CLUL1: variants seen among roughly 807,000 people sequenced by gnomAD.
The protein encoded by CLUL1 is clusterin like 1, also known as clusterin-like protein 1.
A neutral mutation model predicts 49.4 loss-of-function variants in CLUL1; 43 were observed. The ratio of observed to expected loss-of-function variants is 0.87; its 90% CI spans 0.68 to 1.12. The LOEUF (loss-of-function observed/expected upper bound fraction) is 1.12. Ranked by LOEUF, CLUL1 falls within the 50% of genes most tolerant of loss-of-function variation. The pLI is 0.00. For missense variants in CLUL1, 486 were observed against 544.4 expected (o/e 0.89, Z 1.07); for synonymous variants, 192 against 184.9 (o/e 1.04, Z -0.31).
chr18:625,764 C>G (rs1043847126), intron 5 of CLUL1, among the ~76,000 whole-genome samples: 2 of 152,182 alleles, frequency 1.3e-5, no homozygotes, highest in Non-Finnish European at 2.9e-5. Flanking sequence ...AGTGGAATTT[C>G]ACGCTCCATA....
At chr18:633,524 C>G in intron 7 of CLUL1, 89 bp downstream of exon 7, 2 of 1,155,870 alleles carry the variant, frequency 1.7e-6, no homozygotes, top group Non-Finnish European at 1.2e-6. Context: ...AGAAATAGCA[C>G]TCGAATATAA....
intron 5 of CLUL1, 48 bp downstream of exon 5, chr18:625,080 T>G (rs1349413198): frequency 6.4e-7 from 1 of 1,563,112 alleles, no homozygotes; most frequent in Non-Finnish European, 8.7e-7. Context: ...GAGGCACCTA[T>G]TTCAGCTTAC....
Position 627,250 on chromosome 18 carries a change from T to A in CLUL1, c.577T>A (p.Ser193Thr), listed in dbSNP as rs766077524. The A allele has an allele frequency of 9.9e-6, 16 of 1,613,870 alleles. No homozygotes were observed. The African/African-American group carries it at 1.6e-4, about 16-fold the overall frequency. ...CAGCCAGTTGACTGTGGATGTGAAT[T>A]CTCTCTTTAACAGGAGTTTTAACGT... is the stretch of plus-strand genomic sequence containing the variant. The part of the protein sequence containing the change: ...VFSQLTVDVN[S>T]LFNRSFNVFR... The change falls in exon 6 of 10, where the codon TCT becomes ACT. Residue 193 changes from serine (S) to threonine (T), a missense_variant. Coordinates refer to ENST00000692774, the MANE Select transcript of CLUL1 (RefSeq NM_001393344.1).
chr18:627,544 A>G lies in CLUL1; in HGVS notation c.856+15A>G, dbSNP rs2073846985. On this transcript the variant is annotated intron_variant, in intron 6 of 9. Coordinates refer to ENST00000692774, the MANE Select transcript of CLUL1 (RefSeq NM_001393344.1). ...ACAAGACAAAGGCAAGTATTAAAAG[A>G]TTACTTTTACTTAGAGGTTTACACT... 6.4e-7 allele frequency: 1 copy of G among 1,563,638 alleles called. No individual in the cohort carries two copies. Among genetic ancestry groups the G allele is most frequent in the Non-Finnish European group, 8.7e-7 (1 of 1,148,620 alleles).
chr18:649,287 T>G (rs908121736), intron 9 of CLUL1, among the ~76,000 whole-genome samples: 3 of 152,224 alleles, frequency 2.0e-5, no homozygotes, highest in African/African-American at 7.2e-5. Context: ...TACAGCTCAC[T>G]GAAACATGAA....
At chr18:622,942 A>G (rs895103664) in intron 4 of CLUL1, among the ~76,000 whole-genome samples, 3 of 151,974 alleles carry the variant, frequency 2.0e-5, no homozygotes, top group African/African-American at 4.8e-5. Context: ...GAATATTAGG[A>G]TTTTGGCTTA....
chr18:631,574 G>A (rs1343581315), intron 6 of CLUL1, among the ~76,000 whole-genome samples: 1 of 152,140 alleles, frequency 6.6e-6, no homozygotes, highest in African/African-American at 2.4e-5. Flanking sequence ...GCTGCAGGAT[G>A]GGGAATTAGT....
At chr18:643,605 G>A (rs2074399282) in intron 8 of CLUL1, among the ~76,000 whole-genome samples, 1 of 152,062 alleles carries the variant, frequency 6.6e-6, no homozygotes, top group African/African-American at 2.4e-5. Flanking sequence ...AGTGTCTCTT[G>A]AGTAACATAA....
At chr18:626,275 G>A (rs1349240849) in intron 5 of CLUL1, among the ~76,000 whole-genome samples, 1 of 152,088 alleles carries the variant, frequency 6.6e-6, no homozygotes, top group Non-Finnish European at 1.5e-5. Flanking sequence ...ACCACGCCTA[G>A]CTAATTTTTG....
At chr18:639,339 G>C (rs560009103) in intron 7 of CLUL1, among the ~76,000 whole-genome samples, 1 of 148,556 alleles carries the variant, frequency 6.7e-6, no homozygotes. Context: ...GCTGAGGCAG[G>C]AGAATTGTTT....
intron 7 of CLUL1, among the ~76,000 whole-genome samples, chr18:636,461 G>T (rs748459215): frequency 7.9e-5 from 12 of 151,924 alleles, no homozygotes; most frequent in Non-Finnish European, 1.6e-4. Flanking sequence ...CATTGCAGAG[G>T]TTCTAAACAT....
chr18:627,467 G>GTGT lies in CLUL1; in HGVS notation c.795_797dup (p.Val266dup). The GTGT allele has an allele frequency of 6.2e-7, 1 of 1,613,628 alleles. No homozygotes were observed. Among genetic ancestry groups the GTGT allele is most frequent in the East Asian group, 2.2e-5 (1 of 44,862 alleles). ...AATTTCAGTGTCTCTATTTATGAAA[G>GTGT]TGTCAGTGAAACAATTACTAAGATG... On this transcript the variant is annotated inframe_insertion, in exon 6 of 10. Coordinates refer to ENST00000692774, the MANE Select transcript of CLUL1 (RefSeq NM_001393344.1).
At chr18:645,806 A>ATATATAT (rs1444864133) in intron 9 of CLUL1, among the ~76,000 whole-genome samples, 1 of 51,842 alleles carries the variant, frequency 1.9e-5, no homozygotes, top group Non-Finnish European at 3.6e-5. Flanking sequence ...AAAAAAAAAA[A>ATATATAT]AAAAATATAT....
At chr18:625,661 G>A (rs778510205) in intron 5 of CLUL1, among the ~76,000 whole-genome samples, 5 of 152,046 alleles carry the variant, frequency 3.3e-5, no homozygotes, top group African/African-American at 1.2e-4. Context: ...CACAGAGGGT[G>A]GTGACCTGAA....
At chr18:645,185 G>A (rs1246777469) in intron 9 of CLUL1, 88 bp downstream of exon 9, 8 of 992,562 alleles carry the variant, frequency 8.1e-6, no homozygotes, top group South Asian at 4.3e-5. Context: ...CCAAATACCT[G>A]GAAAACATGT....
At chr18:644,391 T>A (rs1598448526) in intron 8 of CLUL1, among the ~76,000 whole-genome samples, 1 of 152,208 alleles carries the variant, frequency 6.6e-6, no homozygotes, top group African/African-American at 2.4e-5. Context: ...CCTACAACCA[T>A]AAATTGTAAA....
chr18:598,198 G>C (rs2072712756), intron 1 of CLUL1: 1 of 196,726 alleles, frequency 5.1e-6, no homozygotes, highest in African/African-American at 2.3e-5. Flanking sequence ...ATGAGATACT[G>C]TTACCTAATA....
At chr18:626,801 C>T (rs930980517) in intron 5 of CLUL1, among the ~76,000 whole-genome samples, 1 of 146,590 alleles carries the variant, frequency 6.8e-6, no homozygotes, top group Non-Finnish European at 1.5e-5. Context: ...GCGGAGGTTG[C>T]AGTGAGCCGA....
intron 6 of CLUL1, among the ~76,000 whole-genome samples, chr18:628,720 C>T (rs546133620): frequency 5.5e-5 from 8 of 146,652 alleles, no homozygotes; most frequent in Non-Finnish European, 9.1e-5. Flanking sequence ...CAACCTCTGC[C>T]TCCTGGGTTC....
Sources: allele counts gnomAD v4.1 joint callset (sites outside exome capture counted in the v4.1 genomes callset), GRCh38; gene constraint gnomAD v4.1.1; transcripts MANE v1.5; gene names NCBI Gene and HGNC (gene_info 2026-07-23, HGNC 2026-07-21).